The following WWOX variants were observed in gnomAD, a reference collection of about 807,000 sequenced individuals.
WWOX encodes WW domain-containing oxidoreductase.
A neutral mutation model predicts 46.2 loss-of-function variants in WWOX; 69 were observed. The observed-to-expected ratio is 1.49, with a 90% confidence interval of 1.23 to 1.82. WWOX has a LOEUF of 1.82. WWOX is among the 40% of genes most tolerant of loss of function. The pLI, the probability that WWOX is intolerant of heterozygous loss-of-function variation, is 0.00. For missense variants in WWOX, 919 were observed against 542.6 expected (o/e 1.69, Z -6.89); for synonymous variants, 359 against 202.6 (o/e 1.77, Z -6.56).
intron 8 of WWOX, among the ~76,000 whole-genome samples, chr16:78,566,765 A>C (rs2151566633): frequency 6.6e-6 from 1 of 152,210 alleles, no homozygotes; most frequent in East Asian, 1.9e-4. Flanking sequence ...AAAGGTGGAG[A>C]TGTGCAATAA....
intron 8 of WWOX, among the ~76,000 whole-genome samples, chr16:78,880,613 C>G (rs1247545365): frequency 6.6e-6 from 1 of 152,122 alleles, no homozygotes; most frequent in Admixed American, 6.5e-5. Flanking sequence ...GCCAAAATGC[C>G]CATCTTCATT....
At chr16:78,225,625 A>G (rs1162607589) in intron 5 of WWOX, among the ~76,000 whole-genome samples, 1 of 152,156 alleles carries the variant, frequency 6.6e-6, no homozygotes, top group Non-Finnish European at 1.5e-5. Context: ...TTTTGCCATG[A>G]GGAATTGGGT....
At chr16:78,869,089 T>C (rs2044070013) in intron 8 of WWOX, among the ~76,000 whole-genome samples, 2 of 152,208 alleles carry the variant, frequency 1.3e-5, no homozygotes, top group Non-Finnish European at 2.9e-5. Context: ...TTATTTACAT[T>C]AGTTTTGATT....
At chr16:78,769,646 T>C (rs2050016494) in intron 8 of WWOX, among the ~76,000 whole-genome samples, 1 of 150,862 alleles carries the variant, frequency 6.6e-6, no homozygotes, top group South Asian at 2.1e-4. Flanking sequence ...ATATCATAAT[T>C]TTAACAGGGA....
At chr16:78,540,526 A>T (rs1262790499) in intron 8 of WWOX, among the ~76,000 whole-genome samples, 1 of 152,048 alleles carries the variant, frequency 6.6e-6, no homozygotes, top group Non-Finnish European at 1.5e-5. Flanking sequence ...GGACAGATAA[A>T]CAACATGTCA....
intron 8 of WWOX, among the ~76,000 whole-genome samples, chr16:78,645,215 C>T (rs2046811243): frequency 6.6e-6 from 1 of 152,084 alleles, no homozygotes; most frequent in African/African-American, 2.4e-5. Flanking sequence ...TCTTGTTCTA[C>T]CCTTGAGGAG....
At chr16:78,808,093 C>T (rs528653829) in intron 8 of WWOX, among the ~76,000 whole-genome samples, 7 of 152,320 alleles carry the variant, frequency 4.6e-5, no homozygotes, top group African/African-American at 1.4e-4. Flanking sequence ...GGAGACTCTC[C>T]TAGGGCCTAG....
intron 5 of WWOX, among the ~76,000 whole-genome samples, chr16:78,378,736 C>T (rs969903487): frequency 2.6e-5 from 4 of 152,100 alleles, no homozygotes; most frequent in South Asian, 2.1e-4. Context: ...GCAATTAAGG[C>T]CCATTGGATT....
At position 78,929,712 on chromosome 16, in the gene WWOX, G is replaced by A. The variant is rs905311475; in HGVS notation, c.1057-281896G>A. 2.0e-5 allele frequency among the ~76,000 whole-genome samples: 3 copies of A among 152,168 alleles called. No homozygotes were observed. The East Asian group carries it at 5.8e-4, about 29-fold the overall frequency. On this transcript the variant is annotated intron_variant, in intron 8 of 8. Transcript: ENST00000566780. ...GCTCAGGAAAGATTTCAGGAAGAGC[G>A]TTTAGGAAGGCAGCTTTGAAAAGAA...
intron 8 of WWOX, among the ~76,000 whole-genome samples, chr16:79,029,591 C>G (rs370795430): frequency 2.0e-5 from 3 of 152,170 alleles, no homozygotes; most frequent in African/African-American, 7.2e-5. Flanking sequence ...ATATCCTCCT[C>G]CTACCCCACA....
chr16:78,272,994 A>C (rs1470958777), intron 5 of WWOX, among the ~76,000 whole-genome samples: 1 of 152,174 alleles, frequency 6.6e-6, no homozygotes, highest in African/African-American at 2.4e-5. Context: ...TACTGATTAC[A>C]GGGATTTTTG....
At chr16:78,170,312 C>T (rs533194231) in intron 5 of WWOX, among the ~76,000 whole-genome samples, 1 of 152,272 alleles carries the variant, frequency 6.6e-6, no homozygotes, top group East Asian at 1.9e-4. Flanking sequence ...GTAAAATGCA[C>T]ATCATAATAT....
In WWOX at chr16:78,834,955, C is replaced by A. The variant is rs193188187; in HGVS notation, c.1057-376653C>A. 3.8e-3 allele frequency among the ~76,000 whole-genome samples: 575 copies of A among 152,306 alleles called. 4 individuals are homozygous for A. The highest frequency in any genetic ancestry group is 6.8e-3 in the Middle Eastern group (2 of 294). On this transcript the variant is annotated intron_variant, in intron 8 of 8. Coordinates refer to ENST00000566780, the MANE Select transcript of WWOX (RefSeq NM_016373.4). ...CAGTTCGTAATTATTGAAGGGCTGT[C>A]AGGAACCAGACACTGTGCTGAGTGT...
chr16:78,982,602 A>G (rs879918556), intron 8 of WWOX, among the ~76,000 whole-genome samples: 2 of 152,208 alleles, frequency 1.3e-5, no homozygotes, highest in Admixed American at 1.3e-4. Context: ...TGTATGCTCT[A>G]TGGCTTCTTG....
chr16:78,520,317 G>C (rs578198985), intron 8 of WWOX, among the ~76,000 whole-genome samples: 1 of 152,234 alleles, frequency 6.6e-6, no homozygotes, highest in African/African-American at 2.4e-5. Context: ...AAAAGTGGAT[G>C]GTACTTAAGG....
At position 79,093,237 on chromosome 16, in the gene WWOX, G is replaced by A. The variant is rs556517094; in HGVS notation, c.1057-118371G>A. 2.0e-5 allele frequency among the ~76,000 whole-genome samples: 3 copies of A among 152,142 alleles called. No individual in the cohort carries two copies. In the South Asian group the frequency reaches 6.2e-4, roughly 32 times the overall value. On this transcript the variant is annotated intron_variant, in intron 8 of 8. Transcript: ENST00000566780. The stretch of plus-strand genomic sequence containing the variant: ...GTCACGGTGTGGTTGGGAGGAGGTG[G>A]GGAGAGAGGCAGATTTTGGAGGCGA...
chr16:78,105,364 CG>C lies in WWOX; in HGVS notation c.108-3056del, dbSNP rs34786621. Among the ~76,000 whole-genome samples, 11 of 151,816 alleles carry C rather than the reference CG, an allele frequency of 7.2e-5. No individual in the cohort carries two copies. The South Asian group carries it at 2.3e-3, about 32-fold the overall frequency. Reference sequence around the variant, plus strand: ...GTAATCCTAGCTACTCAGGCTGAGGCGGGAGAATTGCTTGAACCTGGGAGGC... The same window carrying C: ...GTAATCCTAGCTACTCAGGCTGAGGCGGAGAATTGCTTGAACCTGGGAGGC... On this transcript the variant is annotated intron_variant, in intron 1 of 8. Coordinates refer to ENST00000566780, the MANE Select transcript of WWOX (RefSeq NM_016373.4).
At chr16:79,130,118 T>A (rs1382189219) in intron 8 of WWOX, among the ~76,000 whole-genome samples, 2 of 152,194 alleles carry the variant, frequency 1.3e-5, no homozygotes, top group Non-Finnish European at 2.9e-5. Context: ...ACAGATGAGA[T>A]GTGTAATAGA....
intron 8 of WWOX, among the ~76,000 whole-genome samples, chr16:78,866,055 C>T (rs1325922878): frequency 2.6e-5 from 4 of 152,190 alleles, no homozygotes; most frequent in East Asian, 1.9e-4. Context: ...CACTGCATTG[C>T]TCCAAGGTGC....
Sources: allele counts gnomAD v4.1 joint callset (sites outside exome capture counted in the v4.1 genomes callset), GRCh38; gene constraint gnomAD v4.1.1; transcripts MANE v1.5; gene names NCBI Gene and HGNC (gene_info 2026-07-23, HGNC 2026-07-21).